WWOX: variants seen among roughly 807,000 people sequenced by gnomAD.
WWOX encodes the protein WW domain-containing oxidoreductase.
A neutral mutation model predicts 46.2 loss-of-function variants in WWOX; 69 were observed. The observed-to-expected ratio is 1.49, with a 90% CI of 1.23 to 1.82. The LOEUF (loss-of-function observed/expected upper bound fraction) is 1.82. Among genes scored for constraint, WWOX ranks in the 40% most tolerant of loss-of-function variants. The pLI is 0.00. For missense variants in WWOX, 919 were observed against 542.6 expected, an observed-to-expected ratio of 1.69 and a Z score of -6.89; for synonymous variants, 359 against 202.6, an observed-to-expected ratio of 1.77 and a Z score of -6.56.
intron 8 of WWOX, among the ~76,000 whole-genome samples, chr16:78,885,151 G>C (rs896519669): frequency 6.6e-6 from 1 of 150,590 alleles, no homozygotes; most frequent in Non-Finnish European, 1.5e-5. Flanking sequence ...GCCCTTCTAC[G>C]AGCTCCCTCA....
intron 8 of WWOX, among the ~76,000 whole-genome samples, chr16:78,823,843 A>G (rs2051574118): frequency 6.6e-6 from 1 of 151,624 alleles, no homozygotes; most frequent in Admixed American, 6.6e-5. Flanking sequence ...TGGTATGATC[A>G]TAGCTCACTA....
chr16:78,397,919 A>C (rs142802521), intron 6 of WWOX, among the ~76,000 whole-genome samples: 1 of 152,202 alleles, frequency 6.6e-6, no homozygotes, highest in Non-Finnish European at 1.5e-5. Flanking sequence ...CGCTCAGTTA[A>C]GGTACTCAGA....
chr16:78,573,473 T>C (rs1320954932), intron 8 of WWOX, among the ~76,000 whole-genome samples: 2 of 152,326 alleles, frequency 1.3e-5, no homozygotes, highest in African/African-American at 2.4e-5. Flanking sequence ...CATACTCCAT[T>C]CCATTCTATA....
At chr16:78,937,480 C>T (rs529417810) in intron 8 of WWOX, among the ~76,000 whole-genome samples, 104 of 74,574 alleles carry the variant, frequency 1.4e-3, no homozygotes, top group African/African-American at 5.7e-3. Context: ...TTTTTAATAG[C>T]GATGGGGTTT....
chr16:79,059,621 A>G (rs930774701), intron 8 of WWOX, among the ~76,000 whole-genome samples: 1 of 152,098 alleles, frequency 6.6e-6, no homozygotes, highest in African/African-American at 2.4e-5. Flanking sequence ...CTGCCTCCCA[A>G]GTAGCTGGGA....
intron 8 of WWOX, among the ~76,000 whole-genome samples, chr16:78,837,957 A>C (rs1026396073): frequency 4.6e-5 from 7 of 152,162 alleles, no homozygotes; most frequent in African/African-American, 1.7e-4. Flanking sequence ...TTGAATGAGT[A>C]AATTTACTTT....
chr16:79,002,019 C>A (rs1417839760), intron 8 of WWOX, among the ~76,000 whole-genome samples: 1 of 151,940 alleles, frequency 6.6e-6, no homozygotes, highest in Non-Finnish European at 1.5e-5. Context: ...TCTGGGGTAA[C>A]CACAAATCTG....
At chr16:78,636,652 G>C (rs548507797) in intron 8 of WWOX, among the ~76,000 whole-genome samples, 2 of 152,084 alleles carry the variant, frequency 1.3e-5, no homozygotes, top group African/African-American at 4.8e-5. Flanking sequence ...CAAGTTTCTG[G>C]AATTCTAAGA....
chr16:78,501,942 G>A (rs756180812), intron 8 of WWOX, among the ~76,000 whole-genome samples: 18 of 152,178 alleles, frequency 1.2e-4, no homozygotes, highest in Non-Finnish European at 7.3e-5. Context: ...CCCATCGTCA[G>A]ATTTCGGTTC....
intron 4 of WWOX, among the ~76,000 whole-genome samples, chr16:78,144,168 A>C (rs959713330): frequency 2.6e-5 from 4 of 151,934 alleles, no homozygotes; most frequent in African/African-American, 9.7e-5. Flanking sequence ...GGTTGTATGC[A>C]ATTGTCTATT....
At chr16:78,293,978 GAAAAAAAAAAAAAAAAA>G (rs35079271) in intron 5 of WWOX, among the ~76,000 whole-genome samples, 2 of 30,312 alleles carry the variant, frequency 6.6e-5, no homozygotes, top group Non-Finnish European at 1.3e-4. Context: ...CTCTGTCTCA[GAAAAAAAAAAAAAAAAA>G]AAAAAAAAAA....
chr16:78,373,713 A>T (rs1048395771), intron 5 of WWOX, among the ~76,000 whole-genome samples: 2 of 152,096 alleles, frequency 1.3e-5, no homozygotes, highest in Non-Finnish European at 2.9e-5. Flanking sequence ...GATGACTGAT[A>T]AATTTGAAAT....
intron 4 of WWOX, among the ~76,000 whole-genome samples, chr16:78,119,840 T>G (rs2033000654): frequency 6.6e-6 from 1 of 152,184 alleles, no homozygotes; most frequent in East Asian, 1.9e-4. Context: ...ACTTCTTAAC[T>G]TTCAGTCCTA....
At chr16:78,437,826 T>C (rs1473398627) in intron 8 of WWOX, among the ~76,000 whole-genome samples, 2 of 152,246 alleles carry the variant, frequency 1.3e-5, no homozygotes, top group African/African-American at 4.8e-5. Flanking sequence ...GCATTACATG[T>C]TTATTTTCTT....
Position 78,350,584 on chromosome 16 carries a change from C to A in WWOX, c.517-36276C>A, listed in dbSNP as rs913238945. Among the ~76,000 whole-genome samples, 20 of 120,834 alleles carry A rather than the reference C, an allele frequency of 1.7e-4. 5 individuals are homozygous for A. Among genetic ancestry groups the A allele is most frequent in the African/African-American group, 3.6e-4 (13 of 35,630 alleles). 79.3% of individuals were successfully genotyped at this position (120,834 alleles called of 152,430 possible). On this transcript the variant is annotated intron_variant, in intron 5 of 8. Transcript: ENST00000566780. ...GTGGCCCTTTGTGTCTCGATCCTTA[C>A]ACTTAGCATCATGTTTTCAAGGGTC... is the stretch of plus-strand genomic sequence containing the variant.
At chr16:78,661,202 C>T (rs2047203074) in intron 8 of WWOX, among the ~76,000 whole-genome samples, 2 of 152,154 alleles carry the variant, frequency 1.3e-5, no homozygotes, top group African/African-American at 4.8e-5. Context: ...TTCCTCTCTA[C>T]CATTCACACG....
Position 78,403,860 on chromosome 16 carries a change from T to G in WWOX, c.605+16912T>G, listed in dbSNP as rs1454140139. On this transcript the variant is annotated intron_variant, in intron 6 of 8. Transcript: ENST00000566780. ...TTTGACTTCTTAGCCATGGATGTGT[T>G]TGAAGGCTGCATGGACCTTCACTTA... Among the ~76,000 whole-genome samples the G allele has an allele frequency of 2.0e-5, 3 of 152,338 alleles. No individual in the cohort carries two copies. In the East Asian group the frequency reaches 5.8e-4, roughly 29 times the overall value.
At chr16:78,572,736 G>A (rs2044748723) in intron 8 of WWOX, among the ~76,000 whole-genome samples, 1 of 151,886 alleles carries the variant, frequency 6.6e-6, no homozygotes, top group South Asian at 2.1e-4. Flanking sequence ...AAAACCAAGG[G>A]AATGAAGAAT....
chr16:79,094,525 G>A (rs920727024), intron 8 of WWOX, among the ~76,000 whole-genome samples: 4 of 152,098 alleles, frequency 2.6e-5, no homozygotes, highest in Admixed American at 1.3e-4. Flanking sequence ...GTGCTGGGAT[G>A]ACGGGTGTGA....
Sources: allele counts gnomAD v4.1 joint callset (sites outside exome capture counted in the v4.1 genomes callset), GRCh38; gene constraint gnomAD v4.1.1; transcripts MANE v1.5; gene names NCBI Gene and HGNC (gene_info 2026-07-23, HGNC 2026-07-21).